TXNDC11: variants seen among roughly 807,000 people sequenced by gnomAD.
TXNDC11 encodes thioredoxin domain containing 11.
A neutral mutation model predicts 78.0 loss-of-function variants in TXNDC11; 68 were observed. The ratio of observed to expected loss-of-function variants is 0.87; its 90% CI spans 0.72 to 1.07. TXNDC11 has a LOEUF of 1.07. TXNDC11 is among the 50% of genes least tolerant of loss of function. The pLI, the probability that TXNDC11 is intolerant of heterozygous loss-of-function variation, is 0.00. For synonymous variants in TXNDC11, 571 were observed against 495.2 expected (o/e 1.15, Z -2.03); for missense variants, 1,389 against 1,221.8 (o/e 1.14, Z -2.04).
intron 7 of TXNDC11, 92 bp downstream of exon 7, chr16:11,698,033 C>T (rs1173614613): frequency 2.2e-5 from 27 of 1,239,360 alleles, no homozygotes; most frequent in Non-Finnish European, 2.8e-5. Context: ...CCATTAGCTG[C>T]CAGAGTAAAT....
chr16:11,681,853 C>T (rs1356613855), intron 11 of TXNDC11, among the ~76,000 whole-genome samples: 1 of 152,248 alleles, frequency 6.6e-6, no homozygotes, highest in Non-Finnish European at 1.5e-5. Flanking sequence ...CTCCCAAGGA[C>T]AGGCTCTTGC....
intron 5 of TXNDC11, among the ~76,000 whole-genome samples, chr16:11,720,877 G>T (rs1012145712): frequency 6.6e-6 from 1 of 151,648 alleles, no homozygotes; most frequent in Non-Finnish European, 1.5e-5. Flanking sequence ...AACTAGCTGG[G>T]ATTACAGGTG....
At chr16:11,718,372 C>G (rs1238867445) in intron 5 of TXNDC11, among the ~76,000 whole-genome samples, 5 of 152,196 alleles carry the variant, frequency 3.3e-5, no homozygotes, top group African/African-American at 1.2e-4. Context: ...AGTCTAAACA[C>G]TTCTTCAGTT....
chr16:11,732,364 T>C (rs747505329), intron 3 of TXNDC11, among the ~76,000 whole-genome samples: 15 of 152,164 alleles, frequency 9.9e-5, no homozygotes, highest in Non-Finnish European at 1.9e-4. Flanking sequence ...TAGGCTTCCA[T>C]GCCTTTTTTC....
chr16:11,732,527 C>T (rs781742684), intron 3 of TXNDC11, among the ~76,000 whole-genome samples: 4 of 152,160 alleles, frequency 2.6e-5, no homozygotes, highest in Non-Finnish European at 4.4e-5. Context: ...TGTACTTGAA[C>T]CTTCCATGTA....
intron 5 of TXNDC11, among the ~76,000 whole-genome samples, chr16:11,708,037 T>C (rs936055394): frequency 2.6e-5 from 4 of 152,066 alleles, no homozygotes; most frequent in African/African-American, 9.7e-5. Flanking sequence ...TGAGCTATAA[T>C]TGCACCACTG....
intron 1 of TXNDC11, among the ~76,000 whole-genome samples, chr16:11,739,924 T>G (rs1476818523): frequency 6.6e-6 from 1 of 151,394 alleles, no homozygotes; most frequent in Non-Finnish European, 1.5e-5. Context: ...CCAGGCGCGG[T>G]GGCTCACACT....
chr16:11,683,084 C>G (rs1327886606), intron 11 of TXNDC11, among the ~76,000 whole-genome samples: 1 of 152,182 alleles, frequency 6.6e-6, no homozygotes. Context: ...CCCAAAAGGA[C>G]TCAACTTTCT....
At chr16:11,712,514 T>C (rs2051392415) in intron 5 of TXNDC11, among the ~76,000 whole-genome samples, 1 of 152,188 alleles carries the variant, frequency 6.6e-6, no homozygotes. Context: ...TGGCAGGAAA[T>C]GAGATACATT....
intron 5 of TXNDC11, among the ~76,000 whole-genome samples, chr16:11,707,181 C>G (rs549636959): frequency 6.2e-4 from 95 of 152,230 alleles, no homozygotes; most frequent in African/African-American, 2.2e-3. Context: ...AACCCCAGCA[C>G]TTTGGGAGGC....
At chr16:11,689,443 G>C (rs915899526) in intron 8 of TXNDC11, among the ~76,000 whole-genome samples, 5 of 152,170 alleles carry the variant, frequency 3.3e-5, no homozygotes, top group African/African-American at 1.2e-4. Flanking sequence ...TTCCTAATCT[G>C]AATAAAGCCT....
chr16:11,731,710 C>A (rs965165260), intron 3 of TXNDC11, among the ~76,000 whole-genome samples: 1 of 150,720 alleles, frequency 6.6e-6, no homozygotes, highest in Admixed American at 6.6e-5. Context: ...CACACACACA[C>A]ACACACGTGA....
At position 11,695,597 on chromosome 16, in the gene TXNDC11, G is replaced by T. The variant is rs183866335; in HGVS notation, c.1107+2528C>A. ...CTAGTCACTGTGTCACAGTTTCCCC[G>T]ATCATAGACCCTACTTTCCACCCTC... On this transcript the variant is annotated intron_variant, in intron 7 of 11. Coordinates refer to ENST00000283033, the MANE Select transcript of TXNDC11 (RefSeq NM_015914.7). Among the ~76,000 whole-genome samples, 5 of 152,086 alleles carry T rather than the reference G, an allele frequency of 3.3e-5. No homozygotes were observed. In the South Asian group the frequency reaches 1.0e-3, roughly 32 times the overall value.
chr16:11,700,706 G>A (rs2050988950), intron 5 of TXNDC11, 142 bp from the exon 6 acceptor site: 6 of 576,044 alleles, frequency 1.0e-5, no homozygotes, highest in South Asian at 7.1e-5. Context: ...AGGAAGAGGC[G>A]CTGAGGAACC....
chr16:11,704,640 C>T (rs1468997855), intron 5 of TXNDC11, among the ~76,000 whole-genome samples: 1 of 152,160 alleles, frequency 6.6e-6, no homozygotes, highest in Non-Finnish European at 1.5e-5. Flanking sequence ...AAGACATGAC[C>T]TATTCCAGTC....
chr16:11,698,122 T>C lies in TXNDC11; in HGVS notation c.1107+3A>G. 6.2e-7 allele frequency: 1 copy of C among 1,614,206 alleles called. No individual in the cohort carries two copies. Among genetic ancestry groups the C allele is most frequent in the Non-Finnish European group, 8.5e-7 (1 of 1,179,982 alleles). On this transcript the variant is annotated splice_donor_region_variant and intron_variant, in intron 7 of 11. Transcript: ENST00000283033. Reference sequence around the variant, plus strand: ...GAGGTGCTTTTCACATCACAGCTCTTACCTCGTCTATTAAAGGATGACTTT... The same window carrying C: ...GAGGTGCTTTTCACATCACAGCTCTCACCTCGTCTATTAAAGGATGACTTT...
chr16:11,687,899 TG>T lies in TXNDC11; in HGVS notation c.2110del (p.Gln704SerfsTer2). The T allele has an allele frequency of 6.2e-7, 1 of 1,613,868 alleles. No homozygotes were observed. Among genetic ancestry groups the T allele is most frequent in the South Asian group, 1.1e-5 (1 of 91,064 alleles). Reference sequence around the variant, plus strand: ...GTCCATGGGCAGGTTCCGAGCTAGCTGGATGAAGATGTGATTGAGGGATGGA... The same window carrying T: ...GTCCATGGGCAGGTTCCGAGCTAGCTGATGAAGATGTGATTGAGGGATGGA... ...FCPSLNHIFI[Q>X]LARNLPMDTF... On this transcript the variant is annotated frameshift_variant, in exon 10 of 12. Coordinates refer to ENST00000283033, the MANE Select transcript of TXNDC11 (RefSeq NM_015914.7). LOFTEE classifies it high-confidence loss of function.
Position 11,717,578 on chromosome 16 carries a change from T to G in TXNDC11, c.793+3999A>C, listed in dbSNP as rs574472653. Among the ~76,000 whole-genome samples the G allele has an allele frequency of 4.2e-4, 63 of 151,778 alleles. 1 individual carries two copies. Among genetic ancestry groups the G allele is most frequent in the African/African-American group, 1.5e-3 (62 of 41,344 alleles). On this transcript the variant is annotated intron_variant, in intron 5 of 11. Transcript: ENST00000283033. ...GGCTCACGCCTGTAATCCCAGCACT[T>G]TGGGAGGCCGAAGCGGGCGGATCAT...
chr16:11,718,231 T>G (rs935774271), intron 5 of TXNDC11, among the ~76,000 whole-genome samples: 6 of 151,940 alleles, frequency 3.9e-5, no homozygotes. Flanking sequence ...AAAAAACAAA[T>G]GTAGAACTTT....
Sources: allele counts gnomAD v4.1 joint callset (sites outside exome capture counted in the v4.1 genomes callset), GRCh38; gene constraint gnomAD v4.1.1; transcripts MANE v1.5; gene names NCBI Gene and HGNC (gene_info 2026-07-23, HGNC 2026-07-21).